CDH10: variants seen among roughly 807,000 people sequenced by gnomAD.
CDH10 encodes cadherin 10.
CDH10 carries 30 observed loss-of-function variants against 73.1 expected under a neutral mutation model. That is an observed-to-expected ratio of 0.41 (90% CI 0.31 to 0.56). The LOEUF is 0.56. Ranked by LOEUF, CDH10 falls within the 20% of genes least tolerant of loss-of-function variation. CDH10 has a pLI of 0.27. For synonymous variants in CDH10, 345 were observed against 348.2 expected (o/e 0.99, Z 0.10); for missense variants, 815 against 973.7 (o/e 0.84, Z 2.17).
chr5:24,595,176 T>C (rs75191856), intron 1 of CDH10, among the ~76,000 whole-genome samples: 5,087 of 151,908 alleles, frequency 0.033, 253 homozygotes, highest in African/African-American at 0.11. Flanking sequence ...CAGGATATAA[T>C]AAAGTATGTG....
chr5:24,616,068 C>T (rs1009207939), intron 1 of CDH10, among the ~76,000 whole-genome samples: 1 of 149,256 alleles, frequency 6.7e-6, no homozygotes, highest in Non-Finnish European at 1.5e-5. Context: ...TGTTTATGTT[C>T]TTTAAAAAAA....
intron 2 of CDH10, among the ~76,000 whole-genome samples, chr5:24,562,227 G>A (rs939164747): frequency 9.9e-5 from 15 of 152,062 alleles, no homozygotes; most frequent in African/African-American, 3.1e-4. Context: ...CTGTCACCAT[G>A]CCATGTTCAA....
At chr5:24,543,225 C>A (rs115020801) in intron 2 of CDH10, among the ~76,000 whole-genome samples, 3,439 of 152,148 alleles carry the variant, frequency 0.023, 109 homozygotes, top group African/African-American at 0.072. Flanking sequence ...GAGATTATTT[C>A]TCATTCAGAA....
chr5:24,623,840 C>T (rs1261645610), intron 1 of CDH10, among the ~76,000 whole-genome samples: 1 of 152,096 alleles, frequency 6.6e-6, no homozygotes, highest in African/African-American at 2.4e-5. Flanking sequence ...CTTTTTTTCA[C>T]ATAACTGTCA....
chr5:24,568,322 A>C (rs553885108), intron 2 of CDH10, among the ~76,000 whole-genome samples: 36 of 152,326 alleles, frequency 2.4e-4, no homozygotes, highest in African/African-American at 7.0e-4. Context: ...GCACAATTAA[A>C]AAAAGATCAA....
chr5:24,638,938 T>A (rs1221626938), intron 1 of CDH10, among the ~76,000 whole-genome samples: 3 of 151,720 alleles, frequency 2.0e-5, no homozygotes, highest in East Asian at 1.9e-4. Flanking sequence ...ATGTTTTTGA[T>A]CTTATTAGCA....
At chr5:24,521,830 A>G (rs2111817781) in intron 5 of CDH10, among the ~76,000 whole-genome samples, 1 of 152,140 alleles carries the variant, frequency 6.6e-6, no homozygotes, top group African/African-American at 2.4e-5. Context: ...GAAGGATGTA[A>G]ATGTATTTAA....
At position 24,575,037 on chromosome 5, in the gene CDH10, C is replaced by CCGTTT. The variant is rs1561173082; in HGVS notation, c.231+18222_231+18223insAAACG. On this transcript the variant is annotated intron_variant, in intron 2 of 11. Transcript: ENST00000264463. ...CATGGTCACTCAAACGGATCTGAGA[C>CCGTTT]AAGGAGGTTAATTTCACATTCAAAA... 5.9e-5 allele frequency among the ~76,000 whole-genome samples: 9 copies of CCGTTT among 152,054 alleles called. No individual in the cohort carries two copies. The East Asian group carries it at 1.7e-3, about 30-fold the overall frequency.
Position 24,593,446 on chromosome 5 carries a change from G to A in CDH10, c.45C>T (p.Cys15=), listed in dbSNP as rs761467191. The A allele has an allele frequency of 5.6e-6, 9 of 1,611,044 alleles. No individual in the cohort carries two copies. The highest frequency in any genetic ancestry group is 6.8e-6 in the Non-Finnish European group (8 of 1,177,472). The change falls in exon 2 of 12, where the codon TGC becomes TGT. Residue 15 remains cysteine (C), a synonymous_variant. Coordinates refer to ENST00000264463, the MANE Select transcript of CDH10 (RefSeq NM_006727.5). ...QFLLLFLFWV[C]LPHFCSPEIM... ...TTTCTGGAGAGCAGAAATGTGGCAGGCATACCCAGAATAGAAACAGTAGCA... is the reference window on the plus strand; with the variant it reads ...TTTCTGGAGAGCAGAAATGTGGCAGACATACCCAGAATAGAAACAGTAGCA...
chr5:24,615,898 C>T (rs1004930961), intron 1 of CDH10, among the ~76,000 whole-genome samples: 1 of 152,114 alleles, frequency 6.6e-6, no homozygotes, highest in Non-Finnish European at 1.5e-5. Flanking sequence ...TTTCCCAGAT[C>T]CCTTGGCAAT....
chr5:24,546,297 T>A (rs987187168), intron 2 of CDH10, among the ~76,000 whole-genome samples: 2 of 152,074 alleles, frequency 1.3e-5, no homozygotes, highest in Non-Finnish European at 2.9e-5. Flanking sequence ...AAAATAAGAT[T>A]CTTGTTCTAG....
chr5:24,619,576 G>T (rs1747241549), intron 1 of CDH10, among the ~76,000 whole-genome samples: 2 of 152,078 alleles, frequency 1.3e-5, no homozygotes, highest in African/African-American at 2.4e-5. Flanking sequence ...AAGGCTATGT[G>T]GTAAAACAAA....
chr5:24,553,602 T>G (rs535254448), intron 2 of CDH10, among the ~76,000 whole-genome samples: 2 of 152,310 alleles, frequency 1.3e-5, no homozygotes, highest in East Asian at 3.9e-4. Flanking sequence ...AAAGACAATT[T>G]TTATTCTATG....
intron 8 of CDH10, among the ~76,000 whole-genome samples, chr5:24,504,506 CTTTTTTTTTTTTTTTTTTTT>C (rs70965605): frequency 1.4e-4 from 9 of 65,206 alleles, no homozygotes; most frequent in Admixed American, 9.6e-4. Flanking sequence ...TCCTATTAAT[CTTTTTTTTTTTTTTTTTTTT>C]TTTTTTTTTT....
intron 2 of CDH10, among the ~76,000 whole-genome samples, chr5:24,588,621 T>C (rs985915721): frequency 4.6e-5 from 7 of 152,186 alleles, no homozygotes; most frequent in Non-Finnish European, 1.0e-4. Context: ...CTTCTCCAGC[T>C]GTGGCCAGTT....
In CDH10 at chr5:24,587,372, C is replaced by T. The variant is rs74933989; in HGVS notation, c.231+5888G>A. ...CTTTATAGAAAAGAGCATTATTCTT[C>T]AATACAATGGGTACAAAATTTAATT... On this transcript the variant is annotated intron_variant, in intron 2 of 11. Transcript: ENST00000264463. Among the ~76,000 whole-genome samples, 570 of 152,200 alleles carry T rather than the reference C, an allele frequency of 3.7e-3. 32 individuals are homozygous for T. In the East Asian group the frequency reaches 0.077, roughly 21 times the overall value.
chr5:24,527,672 C>G (rs1743583098), intron 5 of CDH10, among the ~76,000 whole-genome samples: 1 of 151,938 alleles, frequency 6.6e-6, no homozygotes, highest in East Asian at 1.9e-4. Flanking sequence ...CTAAACATAG[C>G]TAAACACAGT....
intron 5 of CDH10, among the ~76,000 whole-genome samples, chr5:24,526,386 G>A (rs1474258982): frequency 6.6e-6 from 1 of 151,792 alleles, no homozygotes; most frequent in African/African-American, 2.4e-5. Context: ...GTTCTGTCAT[G>A]CTAAACATTT....
intron 2 of CDH10, among the ~76,000 whole-genome samples, chr5:24,548,268 C>T (rs1744412881): frequency 6.6e-6 from 1 of 152,006 alleles, no homozygotes; most frequent in Non-Finnish European, 1.5e-5. Flanking sequence ...GCTGGGATTA[C>T]AGGCACCTGC....
Sources: allele counts gnomAD v4.1 joint callset (sites outside exome capture counted in the v4.1 genomes callset), GRCh38; gene constraint gnomAD v4.1.1; transcripts MANE v1.5; gene names NCBI Gene and HGNC (gene_info 2026-07-23, HGNC 2026-07-21).